AP2B1: variants seen among roughly 807,000 people sequenced by gnomAD.
AP2B1 encodes the protein adaptor related protein complex 2 subunit beta 1, also known as AP-2 complex subunit beta.
AP2B1 carries 23 observed loss-of-function variants against 102.0 expected under a neutral mutation model. The observed-to-expected ratio is 0.23, with a 90% confidence interval of 0.16 to 0.32. The LOEUF is 0.32. Ranked by LOEUF, AP2B1 falls within the 10% of genes least tolerant of loss-of-function variation. The pLI, the probability that AP2B1 is intolerant of heterozygous loss-of-function variation, is 1.00. For missense variants in AP2B1, 541 were observed against 1,157.4 expected (o/e 0.47, Z 7.73); for synonymous variants, 381 against 421.2 (o/e 0.90, Z 1.17).
intron 18 of AP2B1, among the ~76,000 whole-genome samples, chr17:35,691,125 A>G (rs960895600): frequency 2.6e-5 from 4 of 152,176 alleles, no homozygotes; most frequent in Non-Finnish European, 5.9e-5. Flanking sequence ...AAACAAGGCA[A>G]TATTCATCAG....
intron 20 of AP2B1, among the ~76,000 whole-genome samples, chr17:35,714,177 G>A (rs1458895662): frequency 2.6e-5 from 4 of 152,204 alleles, no homozygotes; most frequent in Admixed American, 2.0e-4. Context: ...CAGCATGGGG[G>A]CTAGGTAAGG....
chr17:35,694,427 A>ATTTTTTTTTTTTTTTTTT (rs1555581002), intron 18 of AP2B1, among the ~76,000 whole-genome samples: 1 of 114,536 alleles, frequency 8.7e-6, no homozygotes, highest in Non-Finnish European at 1.8e-5. Flanking sequence ...TTTTTTTTTA[A>ATTTTTTTTTTTTTTTTTT]TTTTTTAATT....
intron 14 of AP2B1, among the ~76,000 whole-genome samples, chr17:35,661,601 C>A (rs553427583): frequency 5.4e-4 from 83 of 152,316 alleles, no homozygotes; most frequent in African/African-American, 2.0e-3. Flanking sequence ...TTGAATTTGA[C>A]CAATTTAGAT....
At chr17:35,692,394 T>C (rs1214070603) in intron 18 of AP2B1, among the ~76,000 whole-genome samples, 1 of 152,244 alleles carries the variant, frequency 6.6e-6, no homozygotes, top group Non-Finnish European at 1.5e-5. Flanking sequence ...ATTAGTTTTA[T>C]GTTTCTAATT....
intron 21 of AP2B1, among the ~76,000 whole-genome samples, chr17:35,721,265 C>G (rs2085383675): frequency 6.6e-6 from 1 of 152,144 alleles, no homozygotes; most frequent in South Asian, 2.1e-4. Context: ...GTGTATGTTC[C>G]ACACCATATG....
intron 5 of AP2B1, among the ~76,000 whole-genome samples, chr17:35,615,114 G>A (rs950897379): frequency 9.2e-5 from 14 of 152,164 alleles, no homozygotes; most frequent in Admixed American, 8.5e-4. Flanking sequence ...TAATGCCAAG[G>A]TTGTGAAACC....
intron 14 of AP2B1, among the ~76,000 whole-genome samples, chr17:35,667,076 G>T (rs554380186): frequency 6.6e-6 from 1 of 152,026 alleles, no homozygotes; most frequent in South Asian, 2.1e-4. Context: ...CTTTTTTCTT[G>T]ATGAGTATCT....
At chr17:35,621,472 CATT>C in intron 5 of AP2B1, 1 of 433,896 alleles carries the variant, frequency 2.3e-6, no homozygotes, top group Non-Finnish European at 3.1e-6. Context: ...TTTAGAGAAA[CATT>C]AGAGTTTTGG....
intron 5 of AP2B1, among the ~76,000 whole-genome samples, chr17:35,615,213 G>C (rs2073980400): frequency 6.6e-6 from 1 of 152,142 alleles, no homozygotes; most frequent in Non-Finnish European, 1.5e-5. Flanking sequence ...ATGTGGCTTT[G>C]AACAAGTTAT....
At chr17:35,615,244 C>A (rs1166048734) in intron 5 of AP2B1, among the ~76,000 whole-genome samples, 1 of 152,054 alleles carries the variant, frequency 6.6e-6, no homozygotes, top group Non-Finnish European at 1.5e-5. Context: ...CTTCAGTTGT[C>A]TTATATGTAA....
intron 3 of AP2B1, among the ~76,000 whole-genome samples, chr17:35,603,519 T>C (rs2073560702): frequency 5.9e-5 from 9 of 152,194 alleles, no homozygotes; most frequent in Admixed American, 5.9e-4. Flanking sequence ...TTATATTTGA[T>C]TACTCTCAAA....
intron 9 of AP2B1, among the ~76,000 whole-genome samples, chr17:35,634,693 T>A (rs921817491): frequency 6.6e-6 from 1 of 152,210 alleles, no homozygotes; most frequent in African/African-American, 2.4e-5. Flanking sequence ...TGGTAAATTG[T>A]CGAGTACTAC....
At chr17:35,606,163 T>C (rs1037974611) in intron 4 of AP2B1, among the ~76,000 whole-genome samples, 5 of 152,240 alleles carry the variant, frequency 3.3e-5, no homozygotes, top group Non-Finnish European at 5.9e-5. Context: ...GTAGAAATTA[T>C]ACTTATGAGT....
rs762780439 is a variant in AP2B1, at chr17:35,639,583, T to G, written c.1272-12T>G. The G allele has an allele frequency of 6.3e-7, 1 of 1,598,942 alleles. No individual in the cohort carries two copies. The highest frequency in any genetic ancestry group is 1.1e-5 in the South Asian group (1 of 88,048). On this transcript the variant is annotated splice_polypyrimidine_tract_variant and intron_variant, in intron 10 of 21. Transcript: ENST00000610402. Reference sequence around the variant, plus strand: ...TTGCCCTCAATAACCATAGTTCATTTTTTTTCATCAGGTATGAAAGTATCA... The same window carrying G: ...TTGCCCTCAATAACCATAGTTCATTGTTTTTCATCAGGTATGAAAGTATCA...
intron 18 of AP2B1, among the ~76,000 whole-genome samples, chr17:35,692,261 A>T (rs1011632619): frequency 5.9e-5 from 9 of 152,240 alleles, no homozygotes; most frequent in African/African-American, 1.9e-4. Context: ...CTGAGAAAGG[A>T]TAATGAATTT....
chr17:35,661,109 C>CCAGT (rs1598208978), intron 14 of AP2B1, among the ~76,000 whole-genome samples: 1 of 152,134 alleles, frequency 6.6e-6, no homozygotes, highest in East Asian at 1.9e-4. Context: ...CCCATAGAGG[C>CCAGT]CAGTGGTGTA....
At chr17:35,695,702 A>G (rs2076128548) in intron 18 of AP2B1, among the ~76,000 whole-genome samples, 1 of 152,136 alleles carries the variant, frequency 6.6e-6, no homozygotes, top group African/African-American at 2.4e-5. Flanking sequence ...ATTACTCTAT[A>G]TAGTTTCAGT....
chr17:35,611,001 G>GGAT (rs1476375553), intron 5 of AP2B1, among the ~76,000 whole-genome samples: 2 of 152,100 alleles, frequency 1.3e-5, no homozygotes, highest in African/African-American at 4.8e-5. Context: ...CTTGAGCCCA[G>GGAT]GAGTTTAAGG....
intron 13 of AP2B1, among the ~76,000 whole-genome samples, chr17:35,656,633 C>T (rs894978576): frequency 6.6e-6 from 1 of 152,134 alleles, no homozygotes; most frequent in Admixed American, 6.5e-5. Context: ...CGGTGGCTCA[C>T]GCCTGTAATC....
Sources: gnomAD v4.1 joint callset for allele counts (sites outside exome capture counted in the v4.1 genomes callset) on GRCh38, gnomAD v4.1.1 for gene constraint, MANE v1.5 for transcripts, NCBI Gene and HGNC (gene_info 2026-07-23, HGNC 2026-07-21) for gene names.